The following TRPC7 variants were observed in gnomAD, a reference collection of about 807,000 sequenced individuals.
The protein encoded by TRPC7 is transient receptor potential cation channel subfamily C member 7.
A neutral mutation model predicts 90.1 loss-of-function variants in TRPC7; 42 were observed. The observed-to-expected ratio is 0.47, with a 90% CI of 0.36 to 0.60. TRPC7 has a LOEUF of 0.60. Among genes scored for constraint, TRPC7 ranks in the 20% least tolerant of loss-of-function variants. The pLI is 0.00. For missense variants in TRPC7, 955 were observed against 1,112.3 expected (o/e 0.86, Z 2.01); for synonymous variants, 451 against 436.3 (o/e 1.03, Z -0.42).
At chr5:136,239,972 C>T (rs1756107591) in intron 7 of TRPC7, among the ~76,000 whole-genome samples, 1 of 152,208 alleles carries the variant, frequency 6.6e-6, no homozygotes, top group Non-Finnish European at 1.5e-5. Context: ...CCAACCCACC[C>T]TTCATGCAGT....
intron 10 of TRPC7, 29 bp downstream of exon 10, chr5:136,225,245 G>T: frequency 6.2e-7 from 1 of 1,603,242 alleles, no homozygotes; most frequent in Non-Finnish European, 8.5e-7. Flanking sequence ...TTCTGCCCAT[G>T]CTTGGATGCT....
At position 136,301,343 on chromosome 5, in the gene TRPC7, TTTTTTTTTTTTTTTTTTA is replaced by T. The variant is rs1389052295; in HGVS notation, c.963+14236_963+14253del. The stretch of plus-strand genomic sequence containing the variant: ...CACCCAGCCCAGGCATTTTTTTTTT[TTTTTTTTTTTTTTTTTTA>T]ACAAATCATAGTTGTCAGGCCTCTG... On this transcript the variant is annotated intron_variant, in intron 3 of 11. Transcript: ENST00000513104. 6.7e-5 allele frequency among the ~76,000 whole-genome samples: 8 copies of T among 119,142 alleles called. No homozygotes were observed. The East Asian group carries it at 1.8e-3, about 27-fold the overall frequency. The allele number at this position is 119,142 out of a possible 152,430, so 78.2% of individuals were successfully genotyped here.
intron 5 of TRPC7, among the ~76,000 whole-genome samples, chr5:136,255,805 A>T (rs1331540579): frequency 6.6e-6 from 1 of 152,220 alleles, no homozygotes; most frequent in Non-Finnish European, 1.5e-5. Flanking sequence ...CTAATGAGAC[A>T]GTGGCTCAGA....
intron 5 of TRPC7, among the ~76,000 whole-genome samples, chr5:136,261,230 T>C (rs191624610): frequency 1.3e-5 from 2 of 152,356 alleles, no homozygotes; most frequent in African/African-American, 4.8e-5. Context: ...AGATGCTATT[T>C]AGAACAAGAT....
At chr5:136,223,126 A>T (rs1460119808) in intron 10 of TRPC7, among the ~76,000 whole-genome samples, 1 of 152,238 alleles carries the variant, frequency 6.6e-6, no homozygotes, top group Non-Finnish European at 1.5e-5. Flanking sequence ...TATTTGAATA[A>T]GTCACCTCAG....
At chr5:136,364,092 A>G (rs1760650765) in intron 1 of TRPC7, among the ~76,000 whole-genome samples, 2 of 152,244 alleles carry the variant, frequency 1.3e-5, no homozygotes, top group African/African-American at 4.8e-5. Flanking sequence ...TACTGAAAAA[A>G]AGTAACATGC....
At chr5:136,252,857 GCCACAGAC>G (rs1451160100) in intron 5 of TRPC7, among the ~76,000 whole-genome samples, 1 of 152,218 alleles carries the variant, frequency 6.6e-6, no homozygotes, top group Non-Finnish European at 1.5e-5. Context: ...TTCCTAACAG[GCCACAGAC>G]TGGTACCAGT....
At chr5:136,287,872 AG>A (rs1757784275) in intron 3 of TRPC7, among the ~76,000 whole-genome samples, 1 of 152,058 alleles carries the variant, frequency 6.6e-6, no homozygotes, top group African/African-American at 2.4e-5. Context: ...TACACAAGTG[AG>A]TCTTCAGGGC....
intron 2 of TRPC7, among the ~76,000 whole-genome samples, chr5:136,333,289 C>T (rs1178755362): frequency 8.5e-6 from 1 of 117,352 alleles, no homozygotes; most frequent in Non-Finnish European, 2.0e-5. Context: ...TCAGTGTTTC[C>T]CAGTTCAAGA....
chr5:136,241,028 C>A (rs530974053), intron 7 of TRPC7, among the ~76,000 whole-genome samples: 1 of 152,156 alleles, frequency 6.6e-6, no homozygotes, highest in South Asian at 2.1e-4. Flanking sequence ...TCTTAAGGAT[C>A]CTCTCCCTCA....
chr5:136,248,257 C>T (rs965434377), intron 6 of TRPC7, among the ~76,000 whole-genome samples: 2 of 152,234 alleles, frequency 1.3e-5, no homozygotes, highest in Non-Finnish European at 2.9e-5. Context: ...CATCCACCTA[C>T]TGGCCACATG....
intron 1 of TRPC7, among the ~76,000 whole-genome samples, chr5:136,358,104 A>G (rs917234722): frequency 2.6e-5 from 4 of 152,182 alleles, no homozygotes. Context: ...GTCCACACAC[A>G]ACCTAGGCAC....
At chr5:136,308,244 G>A (rs1361042694) in intron 3 of TRPC7, among the ~76,000 whole-genome samples, 3 of 152,190 alleles carry the variant, frequency 2.0e-5, no homozygotes, top group South Asian at 4.1e-4. Flanking sequence ...GAGATTAATG[G>A]ATATTGATCA....
chr5:136,348,144 G>A (rs1208615094), intron 2 of TRPC7, among the ~76,000 whole-genome samples: 3 of 152,048 alleles, frequency 2.0e-5, no homozygotes, highest in Non-Finnish European at 4.4e-5. Flanking sequence ...GCATATATGA[G>A]TCACTCACTC....
intron 5 of TRPC7, among the ~76,000 whole-genome samples, chr5:136,256,755 C>T (rs1412084963): frequency 6.6e-6 from 1 of 152,232 alleles, no homozygotes; most frequent in Non-Finnish European, 1.5e-5. Context: ...AAAGTCTAGA[C>T]TCCAAAGCTA....
chr5:136,331,117 T>C (rs558330080), intron 2 of TRPC7, among the ~76,000 whole-genome samples: 2 of 152,258 alleles, frequency 1.3e-5, no homozygotes, highest in East Asian at 1.9e-4. Flanking sequence ...GCATGGTGAC[T>C]GCTGCTCTGA....
chr5:136,357,338 A>G lies in TRPC7; in HGVS notation c.50T>C (p.Leu17Pro), dbSNP rs988718055. Residue 17 changes from leucine to proline, a missense_variant, in exon 2 of 12, where the codon CTG becomes CCG. By Grantham distance (98) the Leu-to-Pro change is moderately conservative. Coordinates refer to ENST00000513104, the MANE Select transcript of TRPC7 (RefSeq NM_020389.3). The part of the protein sequence containing the change: ...FKNMQRRHTT[L>P]REKGRRQAIR... ...GGCCTGGCGACGGCCCTTCTCCCTCAGCGTTGTGTGCCGGCGCTGCATGTT... is the reference window on the plus strand; with the variant it reads ...GGCCTGGCGACGGCCCTTCTCCCTCGGCGTTGTGTGCCGGCGCTGCATGTT... 58 of 1,604,890 alleles carry G rather than the reference A, an allele frequency of 3.6e-5. No homozygotes were observed. The highest frequency in any genetic ancestry group is 4.7e-5 in the Non-Finnish European group (56 of 1,179,804).
chr5:136,234,846 TTTG>T (rs1359143504), intron 7 of TRPC7, among the ~76,000 whole-genome samples: 2 of 152,220 alleles, frequency 1.3e-5, no homozygotes, highest in Non-Finnish European at 2.9e-5. Flanking sequence ...TGTTGCTGTT[TTTG>T]TTGTTGTTAT....
At chr5:136,268,583 A>G (rs1053633705) in intron 4 of TRPC7, among the ~76,000 whole-genome samples, 30 of 152,166 alleles carry the variant, frequency 2.0e-4, no homozygotes, top group Admixed American at 7.9e-4. Flanking sequence ...GCTGCACCCA[A>G]GCTGGCTTTG....
Sources: allele counts gnomAD v4.1 joint callset (sites outside exome capture counted in the v4.1 genomes callset), GRCh38; gene constraint gnomAD v4.1.1; transcripts MANE v1.5; gene names NCBI Gene and HGNC (gene_info 2026-07-23, HGNC 2026-07-21).